The following SPAG16 variants were observed in gnomAD, a reference collection of about 807,000 sequenced individuals.
The protein encoded by SPAG16 is sperm-associated antigen 16 protein.
A neutral mutation model predicts 80.4 loss-of-function variants in SPAG16; 86 were observed. That is an observed-to-expected ratio of 1.07 (90% CI 0.90 to 1.28). The LOEUF (loss-of-function observed/expected upper bound fraction) is 1.28, where lower values mean the gene tolerates loss of function less well. SPAG16 is among the 50% of genes most tolerant of loss of function. The pLI, the probability that SPAG16 is intolerant of heterozygous loss-of-function variation, is 0.00. For missense variants in SPAG16, 870 were observed against 765.3 expected (o/e 1.14, Z -1.61); for synonymous variants, 294 against 265.9 (o/e 1.11, Z -1.03).
chr2:214,058,526 G>T (rs2050061435), intron 13 of SPAG16, among the ~76,000 whole-genome samples: 1 of 152,016 alleles, frequency 6.6e-6, no homozygotes, highest in South Asian at 2.1e-4. Context: ...TAATAATAAT[G>T]AAAAAGTTTG....
intron 10 of SPAG16, among the ~76,000 whole-genome samples, chr2:213,857,122 C>G (rs1048752189): frequency 6.6e-6 from 1 of 152,214 alleles, no homozygotes; most frequent in East Asian, 1.9e-4. Flanking sequence ...CCCAGCTACT[C>G]AGGAGGCTGA....
intron 10 of SPAG16, among the ~76,000 whole-genome samples, chr2:213,719,573 TA>T (rs1320803243): frequency 1.3e-5 from 2 of 152,298 alleles, no homozygotes; most frequent in African/African-American, 4.8e-5. Flanking sequence ...GATAAGAGAA[TA>T]AAAGCAGGCT....
At chr2:213,653,325 G>GCC (rs2063095185) in intron 10 of SPAG16, among the ~76,000 whole-genome samples, 1 of 152,094 alleles carries the variant, frequency 6.6e-6, no homozygotes, top group Non-Finnish European at 1.5e-5. Context: ...CTCAATATAA[G>GCC]CTGTGGGACT....
chr2:213,672,816 A>G (rs1327676835), intron 10 of SPAG16, among the ~76,000 whole-genome samples: 1 of 150,120 alleles, frequency 6.7e-6, no homozygotes, highest in Non-Finnish European at 1.5e-5. Flanking sequence ...ACTAATTTTC[A>G]TCAATGATCA....
At chr2:213,896,586 A>ACACATG (rs1553657336) in intron 11 of SPAG16, among the ~76,000 whole-genome samples, 2,603 of 84,634 alleles carry the variant, frequency 0.031, 113 homozygotes, top group African/African-American at 0.085. Flanking sequence ...ATATACACAC[A>ACACATG]CACACGCACA....
chr2:214,112,689 T>C (rs1347037278), intron 14 of SPAG16, among the ~76,000 whole-genome samples: 2 of 138,870 alleles, frequency 1.4e-5, no homozygotes, highest in African/African-American at 5.2e-5. Flanking sequence ...TCTTCCTCCA[T>C]CCCTTTATTT....
At chr2:214,324,200 A>G (rs1696310271) in intron 15 of SPAG16, among the ~76,000 whole-genome samples, 1 of 152,206 alleles carries the variant, frequency 6.6e-6, no homozygotes, top group Non-Finnish European at 1.5e-5. Flanking sequence ...CTTTACTCAA[A>G]TAATGCATAA....
chr2:213,488,179 ACACT>A (rs1323540642), intron 9 of SPAG16, among the ~76,000 whole-genome samples: 1 of 152,136 alleles, frequency 6.6e-6, no homozygotes, highest in Non-Finnish European at 1.5e-5. Flanking sequence ...CATAAAATTG[ACACT>A]CAATAATAAA....
intron 10 of SPAG16, among the ~76,000 whole-genome samples, chr2:213,533,822 T>C (rs2076153219): frequency 6.6e-6 from 1 of 152,154 alleles, no homozygotes; most frequent in Non-Finnish European, 1.5e-5. Flanking sequence ...TCTTTAATCA[T>C]GTATTTATGC....
At chr2:213,572,959 G>T (rs921075293) in intron 10 of SPAG16, among the ~76,000 whole-genome samples, 1 of 152,168 alleles carries the variant, frequency 6.6e-6, no homozygotes, top group Non-Finnish European at 1.5e-5. Context: ...TTTTTAAGCC[G>T]GTCTGAAAAG....
intron 15 of SPAG16, among the ~76,000 whole-genome samples, chr2:214,296,350 AC>A (rs1694131359): frequency 6.6e-6 from 1 of 152,212 alleles, no homozygotes; most frequent in Admixed American, 6.5e-5. Context: ...GCTGCAATAA[AC>A]ATGTGAGTAT....
intron 11 of SPAG16, among the ~76,000 whole-genome samples, chr2:213,915,207 G>C (rs2077897016): frequency 6.6e-6 from 1 of 151,656 alleles, no homozygotes; most frequent in Non-Finnish European, 1.5e-5. Flanking sequence ...GTATACATGT[G>C]CCATGGTGGT....
At chr2:214,290,873 C>A (rs1246366059) in intron 15 of SPAG16, among the ~76,000 whole-genome samples, 1 of 152,112 alleles carries the variant, frequency 6.6e-6, no homozygotes, top group Non-Finnish European at 1.5e-5. Flanking sequence ...ATAAAATGTC[C>A]TGTAAATGTC....
intron 10 of SPAG16, among the ~76,000 whole-genome samples, chr2:213,765,829 G>A (rs532679134): frequency 6.6e-6 from 1 of 152,314 alleles, no homozygotes; most frequent in South Asian, 2.1e-4. Context: ...TGATGCTTTT[G>A]TAGTTGGAAA....
At chr2:213,909,072 A>G (rs183039983) in intron 11 of SPAG16, among the ~76,000 whole-genome samples, 16 of 152,214 alleles carry the variant, frequency 1.1e-4, no homozygotes, top group African/African-American at 3.4e-4. Flanking sequence ...AAGCATTCTT[A>G]TACACCAAAA....
At chr2:214,082,522 C>G (rs750250311) in intron 13 of SPAG16, among the ~76,000 whole-genome samples, 3 of 152,190 alleles carry the variant, frequency 2.0e-5, no homozygotes, top group Non-Finnish European at 4.4e-5. Flanking sequence ...CTGCCCTCTT[C>G]TCTTCCTTGT....
intron 11 of SPAG16, among the ~76,000 whole-genome samples, chr2:213,864,842 G>A (rs10177976): frequency 0.34 from 52,123 of 151,550 alleles, 9,429 homozygotes; most frequent in South Asian, 0.47. Flanking sequence ...CCTATTTCTC[G>A]TATCATAGCA....
chr2:213,458,015 T>A (rs534318136), intron 9 of SPAG16, among the ~76,000 whole-genome samples: 1 of 152,296 alleles, frequency 6.6e-6, no homozygotes, highest in Non-Finnish European at 1.5e-5. Context: ...ACTCATCACA[T>A]TCTAATATAA....
intron 10 of SPAG16, among the ~76,000 whole-genome samples, chr2:213,692,286 A>G (rs761437756): frequency 2.6e-4 from 40 of 152,184 alleles, no homozygotes; most frequent in Non-Finnish European, 5.7e-4. Flanking sequence ...TTGTTACAGT[A>G]CCTTTTTTAA....
Sources: allele counts gnomAD v4.1 joint callset (sites outside exome capture counted in the v4.1 genomes callset), GRCh38; gene constraint gnomAD v4.1.1; transcripts MANE v1.5; gene names NCBI Gene and HGNC (gene_info 2026-07-23, HGNC 2026-07-21).